CCSER1: variants seen among roughly 807,000 people sequenced by gnomAD.
CCSER1 encodes the protein serine-rich coiled-coil domain-containing protein 1.
A neutral mutation model predicts 82.0 loss-of-function variants in CCSER1; 41 were observed. That is an observed-to-expected ratio of 0.50 (90% CI 0.39 to 0.65). The LOEUF is 0.65. Among genes scored for constraint, CCSER1 ranks in the 30% least tolerant of loss-of-function variants. The pLI is 0.00. For synonymous variants in CCSER1, 414 were observed against 383.9 expected (o/e 1.08, Z -0.92); for missense variants, 1,119 against 1,064.2 (o/e 1.05, Z -0.72).
At chr4:90,806,866 C>CTTTTTT (rs11412984) in intron 7 of CCSER1, among the ~76,000 whole-genome samples, 1 of 146,758 alleles carries the variant, frequency 6.8e-6, no homozygotes, top group African/African-American at 2.5e-5. Flanking sequence ...GAATCCTCTT[C>CTTTTTT]TTTTTTTTTT....
Position 91,226,364 on chromosome 4 carries a change from A to G in CCSER1, c.2217+140370A>G, listed in dbSNP as rs1173452012. Among the ~76,000 whole-genome samples, 3 of 151,950 alleles carry G rather than the reference A, an allele frequency of 2.0e-5. 1 individual carries two copies. The highest frequency in any genetic ancestry group is 7.2e-5 in the African/African-American group (3 of 41,430). ...TCTAAGATACTTATTTGTGCAACAC[A>G]GCTATGATAAATCATTGGAATTTGC... On this transcript the variant is annotated intron_variant, in intron 10 of 10. Transcript: ENST00000509176.
rs535849937 is a variant in CCSER1, at chr4:91,550,616, T to A, written c.2218-47956T>A. ...CAGAAAACAGAAGTTCGTTTTGTAA[T>A]GTTTTAAGAAGAGAATTATATTTAA... On this transcript the variant is annotated intron_variant, in intron 10 of 10. Coordinates refer to ENST00000509176, the MANE Select transcript of CCSER1 (RefSeq NM_001145065.2). Among the ~76,000 whole-genome samples, 64 of 152,344 alleles carry A rather than the reference T, an allele frequency of 4.2e-4. No homozygotes were observed. In the South Asian group the frequency reaches 8.7e-3, roughly 21 times the overall value.
chr4:91,276,640 T>G (rs372001278), intron 10 of CCSER1, among the ~76,000 whole-genome samples: 7 of 152,118 alleles, frequency 4.6e-5, no homozygotes, highest in East Asian at 3.9e-4. Context: ...GCCTTTTCTT[T>G]CTTTCTCTTA....
At chr4:91,495,554 A>G (rs1758754559) in intron 10 of CCSER1, among the ~76,000 whole-genome samples, 1 of 151,578 alleles carries the variant, frequency 6.6e-6, no homozygotes, top group South Asian at 2.1e-4. Flanking sequence ...TCAGTAAAAT[A>G]GCTGAAAGAA....
At chr4:90,738,684 G>A (rs1414284972) in intron 7 of CCSER1, among the ~76,000 whole-genome samples, 4 of 152,112 alleles carry the variant, frequency 2.6e-5, no homozygotes, top group Non-Finnish European at 5.9e-5. Flanking sequence ...TCAGCATTTG[G>A]TGAATCCAGC....
intron 6 of CCSER1, among the ~76,000 whole-genome samples, chr4:90,674,205 G>C (rs1446911114): frequency 6.6e-6 from 1 of 151,850 alleles, no homozygotes; most frequent in Non-Finnish European, 1.5e-5. Context: ...TTTTTCAATA[G>C]AGAGAATTAT....
intron 10 of CCSER1, among the ~76,000 whole-genome samples, chr4:91,439,386 T>G (rs1160850828): frequency 1.3e-5 from 2 of 151,930 alleles, no homozygotes; most frequent in Non-Finnish European, 2.9e-5. Context: ...AAACTAAGCT[T>G]CATAAGTGCA....
At chr4:91,104,807 C>T (rs1725442749) in intron 10 of CCSER1, among the ~76,000 whole-genome samples, 1 of 152,172 alleles carries the variant, frequency 6.6e-6, no homozygotes, top group African/African-American at 2.4e-5. Flanking sequence ...GCTCTTTACT[C>T]TGCTTATCCC....
intron 1 of CCSER1, among the ~76,000 whole-genome samples, chr4:90,229,788 A>G (rs1306115679): frequency 1.3e-5 from 2 of 152,208 alleles, no homozygotes; most frequent in African/African-American, 2.4e-5. Flanking sequence ...CTACGAAGCA[A>G]ATGGAAAACA....
At position 90,731,374 on chromosome 4, in the gene CCSER1, G is replaced by T. The variant is rs551642473; in HGVS notation, c.2010+7383G>T. 9.2e-5 allele frequency among the ~76,000 whole-genome samples: 14 copies of T among 152,212 alleles called. No individual in the cohort carries two copies. The East Asian group carries it at 2.5e-3, about 27-fold the overall frequency. On this transcript the variant is annotated intron_variant, in intron 7 of 10. Transcript: ENST00000509176. The stretch of plus-strand genomic sequence containing the variant: ...AATTGTGAAATGGCAGACGATGTTG[G>T]TTTTGCAGGGGATAATATTCAATCC...
intron 7 of CCSER1, among the ~76,000 whole-genome samples, chr4:90,795,971 T>C (rs1036349465): frequency 1.8e-4 from 27 of 152,194 alleles, no homozygotes; most frequent in African/African-American, 6.3e-4. Context: ...GTTGTGTCTC[T>C]GCCAGGTTTT....
chr4:91,104,458 T>C (rs2148858215), intron 10 of CCSER1, among the ~76,000 whole-genome samples: 2 of 152,274 alleles, frequency 1.3e-5, no homozygotes, highest in Middle Eastern at 3.4e-3. Flanking sequence ...CTATCTCTCT[T>C]TATTTCCCAG....
chr4:90,860,441 A>C (rs898398476), intron 8 of CCSER1, among the ~76,000 whole-genome samples: 3 of 151,606 alleles, frequency 2.0e-5, no homozygotes, highest in Non-Finnish European at 4.4e-5. Context: ...AAAAAGTTTT[A>C]ATTTTTAAAA....
chr4:91,053,630 T>C (rs147503033), intron 9 of CCSER1, among the ~76,000 whole-genome samples: 1 of 152,274 alleles, frequency 6.6e-6, no homozygotes, highest in Non-Finnish European at 1.5e-5. Context: ...ATTTACATCT[T>C]ACAAAATTCA....
intron 8 of CCSER1, among the ~76,000 whole-genome samples, chr4:90,826,959 C>T (rs563721109): frequency 9.2e-5 from 14 of 152,078 alleles, no homozygotes; most frequent in Admixed American, 2.6e-4. Context: ...GGTCTTTCCC[C>T]GTTCAGTGTT....
chr4:90,759,839 C>G (rs1461661811), intron 7 of CCSER1, among the ~76,000 whole-genome samples: 1 of 151,728 alleles, frequency 6.6e-6, no homozygotes, highest in African/African-American at 2.4e-5. Context: ...TAAAAATGAC[C>G]AAATCAAGAG....
chr4:90,589,325 T>G (rs577167113), intron 5 of CCSER1, among the ~76,000 whole-genome samples: 1 of 152,238 alleles, frequency 6.6e-6, no homozygotes, highest in South Asian at 2.1e-4. Context: ...TATAATTTTT[T>G]TGTTTATAGG....
intron 10 of CCSER1, among the ~76,000 whole-genome samples, chr4:91,590,350 A>ACATCAAC (rs1370567083): frequency 6.6e-6 from 1 of 152,140 alleles, no homozygotes; most frequent in Non-Finnish European, 1.5e-5. Flanking sequence ...TTCGGTTATT[A>ACATCAAC]CATCAACTTA....
chr4:90,470,046 T>A lies in CCSER1; in HGVS notation c.1724+1692T>A, dbSNP rs75689836. Among the ~76,000 whole-genome samples, 1,494 of 152,300 alleles carry A rather than the reference T, an allele frequency of 9.8e-3. 24 individuals carry two copies. The highest frequency in any genetic ancestry group is 0.034 in the African/African-American group (1,417 of 41,576). ...TTCAGGTTTGGGATCTTCAGTCTGT[T>A]GTAAATATGTCTGAAGACAAATTAA... On this transcript the variant is annotated intron_variant, in intron 5 of 10. Transcript: ENST00000509176.
Sources: gnomAD v4.1 joint callset for allele counts (sites outside exome capture counted in the v4.1 genomes callset) on GRCh38, gnomAD v4.1.1 for gene constraint, MANE v1.5 for transcripts, NCBI Gene and HGNC (gene_info 2026-07-23, HGNC 2026-07-21) for gene names.